Variants in ARHGAP15 observed in about 807,000 individuals in gnomAD.
ARHGAP15 encodes Rho GTPase activating protein 15.
In ARHGAP15, 51 loss-of-function variants were observed where a neutral mutation model predicts 63.7. That is an observed-to-expected ratio of 0.80 (90% CI 0.64 to 1.01). ARHGAP15 has a LOEUF of 1.01. ARHGAP15 is among the 50% of genes least tolerant of loss of function. The pLI, the probability that ARHGAP15 is intolerant of heterozygous loss-of-function variation, is 0.00. For missense variants in ARHGAP15, 560 were observed against 564.6 expected (o/e 0.99, Z 0.08); for synonymous variants, 191 against 193.8 (o/e 0.99, Z 0.12).
At chr2:143,431,429 T>A (rs1689384771) in intron 6 of ARHGAP15, among the ~76,000 whole-genome samples, 1 of 152,134 alleles carries the variant, frequency 6.6e-6, no homozygotes, top group South Asian at 2.1e-4. Context: ...GTTTATTATG[T>A]GCTTTGAGAT....
At chr2:143,489,552 T>C (rs751050086) in intron 9 of ARHGAP15, among the ~76,000 whole-genome samples, 5 of 152,282 alleles carry the variant, frequency 3.3e-5, no homozygotes, top group South Asian at 4.2e-4. Context: ...GGTTTTTTTT[T>C]CCCAACTCGG....
chr2:143,409,165 A>G lies in ARHGAP15; in HGVS notation c.475-26436A>G, dbSNP rs190295554. On this transcript the variant is annotated intron_variant, in intron 6 of 13. Coordinates refer to ENST00000295095, the MANE Select transcript of ARHGAP15 (RefSeq NM_018460.4). ...TTAAGCAATTTTATTATAGTTTCAGAGAAAAGCTAGCCTATGTAAAGCATG... is the reference window on the plus strand; with the variant it reads ...TTAAGCAATTTTATTATAGTTTCAGGGAAAAGCTAGCCTATGTAAAGCATG... Among the ~76,000 whole-genome samples, 301 of 152,112 alleles carry G rather than the reference A, an allele frequency of 2.0e-3. 2 individuals are homozygous for G. The highest frequency in any genetic ancestry group is 7.1e-3 in the African/African-American group (295 of 41,540).
chr2:143,754,799 T>G (rs1686510911), intron 13 of ARHGAP15, among the ~76,000 whole-genome samples: 1 of 152,218 alleles, frequency 6.6e-6, no homozygotes, highest in Admixed American at 6.5e-5. Context: ...TGGCTCTTTA[T>G]CTACCTTCCA....
intron 10 of ARHGAP15, among the ~76,000 whole-genome samples, chr2:143,544,678 C>G (rs1259546083): frequency 6.6e-6 from 1 of 152,154 alleles, no homozygotes; most frequent in East Asian, 1.9e-4. Flanking sequence ...CACACTTTTG[C>G]TACATAGTAA....
intron 9 of ARHGAP15, among the ~76,000 whole-genome samples, chr2:143,494,623 TA>T (rs1287619846): frequency 6.6e-6 from 1 of 152,246 alleles, no homozygotes. Flanking sequence ...TTCTTTCCTT[TA>T]TTTGATTCAT....
At chr2:143,569,497 A>G (rs1376384708) in intron 11 of ARHGAP15, among the ~76,000 whole-genome samples, 1 of 152,134 alleles carries the variant, frequency 6.6e-6, no homozygotes, top group Admixed American at 6.5e-5. Flanking sequence ...GCAGGGAGGC[A>G]TGGAGAGATG....
At chr2:143,258,758 G>T (rs77767037) in intron 6 of ARHGAP15, among the ~76,000 whole-genome samples, 14,351 of 152,176 alleles carry the variant, frequency 0.094, 864 homozygotes, top group Middle Eastern at 0.18. Flanking sequence ...TTAACCAAGG[G>T]AGAGGTGTTC....
At chr2:143,408,041 C>G (rs2381474) in intron 6 of ARHGAP15, among the ~76,000 whole-genome samples, 10,735 of 102,628 alleles carry the variant, frequency 0.1, 676 homozygotes, top group Middle Eastern at 0.18. Context: ...ATCCTTTTTC[C>G]TCTCACTCTT....
intron 12 of ARHGAP15, among the ~76,000 whole-genome samples, chr2:143,701,539 G>T (rs1312552395): frequency 6.6e-6 from 1 of 152,114 alleles, no homozygotes; most frequent in Non-Finnish European, 1.5e-5. Flanking sequence ...TTCAAGACCT[G>T]CTTGGGCATC....
In ARHGAP15 at chr2:143,649,394, A is replaced by G. The variant is rs147461687; in HGVS notation, c.1138+25127A>G. On this transcript the variant is annotated intron_variant, in intron 12 of 13. Transcript: ENST00000295095. Reference sequence around the variant, plus strand: ...AAGTGCAAAATGGCATTTTTAAACAAAACTGCTTTCCTGACCGTAACTGAA... The same window carrying G: ...AAGTGCAAAATGGCATTTTTAAACAGAACTGCTTTCCTGACCGTAACTGAA... Among the ~76,000 whole-genome samples the G allele has an allele frequency of 4.3e-4, 65 of 152,094 alleles. No individual in the cohort carries two copies. The East Asian group carries it at 0.013, about 29-fold the overall frequency.
In ARHGAP15 at chr2:143,381,917, A is replaced by G. The variant is rs186236634; in HGVS notation, c.475-53684A>G. Among the ~76,000 whole-genome samples, 3 of 152,228 alleles carry G rather than the reference A, an allele frequency of 2.0e-5. No individual in the cohort carries two copies. The East Asian group carries it at 5.8e-4, about 29-fold the overall frequency. On this transcript the variant is annotated intron_variant, in intron 6 of 13. Coordinates refer to ENST00000295095, the MANE Select transcript of ARHGAP15 (RefSeq NM_018460.4). ...ATTTTCAAACTTAGCAAATCAGGCA[A>G]TCTATCCTTTTTGATATCTCTCTTT...
intron 12 of ARHGAP15, among the ~76,000 whole-genome samples, chr2:143,695,620 C>T (rs1683807714): frequency 6.6e-6 from 1 of 152,118 alleles, no homozygotes; most frequent in Non-Finnish European, 1.5e-5. Context: ...TGTATCCCAA[C>T]ACTTTGGAAG....
At chr2:143,489,983 CTTTTTCTTTTTG>C (rs1258788591) in intron 9 of ARHGAP15, among the ~76,000 whole-genome samples, 1 of 151,988 alleles carries the variant, frequency 6.6e-6, no homozygotes, top group African/African-American at 2.4e-5. Flanking sequence ...TGTCAGTTTT[CTTTTTCTTTTTG>C]TTTTTGTTTT....
intron 13 of ARHGAP15, among the ~76,000 whole-genome samples, chr2:143,723,228 T>C (rs1278981046): frequency 6.6e-6 from 1 of 152,206 alleles, no homozygotes; most frequent in Non-Finnish European, 1.5e-5. Flanking sequence ...ACTGTGAAAT[T>C]GCCTGATGAT....
intron 13 of ARHGAP15, among the ~76,000 whole-genome samples, chr2:143,767,145 C>T (rs1392585124): frequency 6.6e-6 from 1 of 152,098 alleles, no homozygotes; most frequent in Non-Finnish European, 1.5e-5. Context: ...ACTAAAACCC[C>T]ACTCTTCTGA....
At chr2:143,384,950 T>C (rs1332395074) in intron 6 of ARHGAP15, among the ~76,000 whole-genome samples, 1 of 152,182 alleles carries the variant, frequency 6.6e-6, no homozygotes, top group African/African-American at 2.4e-5. Flanking sequence ...AAGACATTCC[T>C]TTATAGAAAG....
chr2:143,363,561 T>C (rs1574336239), intron 6 of ARHGAP15, among the ~76,000 whole-genome samples: 1 of 152,332 alleles, frequency 6.6e-6, no homozygotes, highest in East Asian at 1.9e-4. Context: ...TTTTCTTCTT[T>C]CTGTCATTCA....
At chr2:143,309,514 G>A (rs902397544) in intron 6 of ARHGAP15, among the ~76,000 whole-genome samples, 7 of 151,968 alleles carry the variant, frequency 4.6e-5, no homozygotes, top group African/African-American at 7.2e-5. Context: ...CTAGTACATC[G>A]GATACACTCC....
chr2:143,527,605 A>T (rs1026467415), intron 10 of ARHGAP15, among the ~76,000 whole-genome samples: 18 of 152,074 alleles, frequency 1.2e-4, no homozygotes, highest in Non-Finnish European at 7.4e-5. Flanking sequence ...CCAGAGACCC[A>T]ATATGTAAAT....
Sources: gnomAD v4.1 joint callset for allele counts (sites outside exome capture counted in the v4.1 genomes callset) on GRCh38, gnomAD v4.1.1 for gene constraint, MANE v1.5 for transcripts, NCBI Gene and HGNC (gene_info 2026-07-23, HGNC 2026-07-21) for gene names.